Variants in PTPRC observed in about 807,000 individuals in gnomAD.
The protein encoded by PTPRC is receptor-type tyrosine-protein phosphatase C.
Under a neutral mutation model 155.9 loss-of-function variants are expected in PTPRC, and 44 were observed. That is an observed-to-expected ratio of 0.28 (90% CI 0.22 to 0.36). The LOEUF (loss-of-function observed/expected upper bound fraction) is 0.36. PTPRC is among the 10% of genes least tolerant of loss of function. The pLI is 1.00. For missense variants in PTPRC, 1,401 were observed against 1,564.6 expected (o/e 0.90, Z 1.76); for synonymous variants, 525 against 533.1 (o/e 0.98, Z 0.21).
intron 2 of PTPRC, among the ~76,000 whole-genome samples, chr1:198,689,481 A>C (rs1665812185): frequency 6.6e-6 from 1 of 152,182 alleles, no homozygotes; most frequent in Non-Finnish European, 1.5e-5. Flanking sequence ...AACAGAATAT[A>C]GGGGTCTGTG....
At chr1:198,643,913 A>G (rs16843570) in intron 2 of PTPRC, among the ~76,000 whole-genome samples, 5,523 of 152,022 alleles carry the variant, frequency 0.036, 309 homozygotes, top group African/African-American at 0.13. Context: ...TTGCACGACA[A>G]AAGTTTGTAG....
chr1:198,705,514 G>A (rs1652909193), intron 8 of PTPRC, among the ~76,000 whole-genome samples: 1 of 149,586 alleles, frequency 6.7e-6, no homozygotes, highest in Admixed American at 6.7e-5. Context: ...TCTGCCTCCT[G>A]GGTTCAAGTG....
Position 198,696,849 on chromosome 1 carries a change from A to C in PTPRC, c.238A>C (p.Asn80His). The C allele has an allele frequency of 6.2e-7, 1 of 1,614,148 alleles. No individual in the cohort carries two copies. Among genetic ancestry groups the C allele is most frequent in the Non-Finnish European group, 8.5e-7 (1 of 1,179,986 alleles). ...SETTTSLSPD[N>H]TSTQVSPDSL... The stretch of plus-strand genomic sequence containing the variant: ...GACCACAACTTCTCTTAGTCCAGAC[A>C]ATACTTCCACCCAAGTATCCCCGGA... The change falls in exon 4 of 33, where the codon AAT becomes CAT. Residue 80 changes from asparagine (N) to histidine (H), a missense_variant. By Grantham distance (68) the Asn-to-His change is moderately conservative. Around this residue, in one of 3 missense-constraint regions of PTPRC, gnomAD observed 867 missense variants for 970.4 expected, o/e 0.89. Coordinates refer to ENST00000442510, the MANE Select transcript of PTPRC (RefSeq NM_002838.5).
intron 2 of PTPRC, among the ~76,000 whole-genome samples, chr1:198,679,396 ATTTTT>A (rs34684883): frequency 1.5e-4 from 16 of 109,990 alleles, no homozygotes; most frequent in Admixed American, 1.3e-3. Context: ...ACGCCCAGCT[ATTTTT>A]TTTTTTTTTT....
At chr1:198,742,088 C>T (rs1654927380) in intron 24 of PTPRC, 62 bp downstream of exon 24, 1 of 1,604,586 alleles carries the variant, frequency 6.2e-7, no homozygotes, top group African/African-American at 1.3e-5. Context: ...ATCCACCTGC[C>T]TAGGGCTGTT....
At chr1:198,642,826 G>T (rs1662670080) in intron 2 of PTPRC, among the ~76,000 whole-genome samples, 1 of 151,682 alleles carries the variant, frequency 6.6e-6, no homozygotes, top group South Asian at 2.1e-4. Context: ...AATCTTTTTT[G>T]CCAGAGAAAC....
rs186541721 is a variant in PTPRC, at chr1:198,756,975, T to C, written c.*794T>C. 2 of 152,034 alleles carry C rather than the reference T, an allele frequency of 1.3e-5. No individual in the cohort carries two copies. The highest frequency in any genetic ancestry group is 3.9e-4 in the East Asian group (2 of 5,170). 9.4% of individuals were successfully genotyped at this position (152,034 alleles called of 1,614,324 possible). ...TGACAACAAATTAGGTTTTGTACAA[T>C]TGAACTTAAATAAATGTCATTAAAA... is the stretch of plus-strand genomic sequence containing the variant. On this transcript the variant is annotated 3_prime_UTR_variant, in exon 33 of 33. Transcript: ENST00000442510.
In PTPRC at chr1:198,756,176, T is replaced by A. The variant is rs781277251; in HGVS notation, c.3916T>A (p.Ser1306Thr). 6.2e-7 allele frequency: 1 copy of A among 1,613,100 alleles called. No individual in the cohort carries two copies. Among genetic ancestry groups the A allele is most frequent in the Admixed American group, 1.7e-5 (1 of 59,852 alleles). The change falls in exon 33 of 33, where the codon TCA (serine) becomes ACA (threonine). Residue 1306 changes from serine (S) to threonine (T), a missense_variant. This residue lies in a region of PTPRC where 400 missense variants were observed against 389.5 expected (regional missense o/e 1.03). Transcript: ENST00000442510. ...GPASPALNQGS is the reference protein window; with the variant it reads ...GPASPALNQGT ...TGCAAGTCCAGCTTTAAATCAAGGTTCATAGGAAAAGACATAAATGAGGAA... is the reference window on the plus strand; with the variant it reads ...TGCAAGTCCAGCTTTAAATCAAGGTACATAGGAAAAGACATAAATGAGGAA...
intron 2 of PTPRC, among the ~76,000 whole-genome samples, chr1:198,678,057 C>A (rs540231265): frequency 1.3e-5 from 2 of 152,038 alleles, no homozygotes; most frequent in East Asian, 3.9e-4. Flanking sequence ...GCAATACCAT[C>A]TTATGAAATG....
chr1:198,752,560 C>A, intron 30 of PTPRC, 34 bp from the exon 31 acceptor site: 1 of 1,596,446 alleles, frequency 6.3e-7, no homozygotes, highest in Non-Finnish European at 8.6e-7. Context: ...CTGAACTTCA[C>A]TCCAGTTAAT....
At chr1:198,669,749 A>T (rs956386799) in intron 2 of PTPRC, among the ~76,000 whole-genome samples, 1 of 152,110 alleles carries the variant, frequency 6.6e-6, no homozygotes, top group Non-Finnish European at 1.5e-5. Context: ...CAATCAGGAA[A>T]TTTTTTTAAA....
intron 18 of PTPRC, 50 bp from the exon 19 acceptor site, chr1:198,732,250 A>G (rs1654425419): frequency 1.4e-6 from 2 of 1,423,016 alleles, no homozygotes; most frequent in Non-Finnish European, 2.0e-6. Context: ...TAAGGGGGAA[A>G]TTATTTTTCC....
chr1:198,725,773 C>G (rs547789422), intron 15 of PTPRC, among the ~76,000 whole-genome samples: 1 of 152,056 alleles, frequency 6.6e-6, no homozygotes, highest in Non-Finnish European at 1.5e-5. Flanking sequence ...CATGTTCTGA[C>G]CCATGATTCA....
chr1:198,705,513 T>C (rs1571853896), intron 8 of PTPRC, among the ~76,000 whole-genome samples: 2 of 150,728 alleles, frequency 1.3e-5, no homozygotes, highest in East Asian at 2.0e-4. Context: ...CTCTGCCTCC[T>C]GGGTTCAAGT....
Position 198,732,359 on chromosome 1 carries a change from G to T in PTPRC, c.2034G>T (p.Gln678His), listed in dbSNP as rs777914316. 5.6e-6 allele frequency: 9 copies of T among 1,612,434 alleles called. No individual in the cohort carries two copies. Among genetic ancestry groups the T allele is most frequent in the Admixed American group, 1.7e-5 (1 of 59,802 alleles). ...AGGAAGCTCGAAAGCCCTTTAACCAGAATAAAAACCGTTATGTTGACATTC... is the reference window on the plus strand; with the variant it reads ...AGGAAGCTCGAAAGCCCTTTAACCATAATAAAAACCGTTATGTTGACATTC... ...PIKEARKPFNQNKNRYVDILP... is the reference protein window; with the variant it reads ...PIKEARKPFNHNKNRYVDILP... Residue 678 changes from glutamine (Q) to histidine (H), a missense_variant, in exon 19 of 33, where the codon CAG (glutamine) becomes CAT (histidine). Gln to His is a conservative substitution (Grantham distance 24). Around this residue, in one of 3 missense-constraint regions of PTPRC, gnomAD observed 867 missense variants for 970.4 expected, o/e 0.89. Transcript: ENST00000442510.
In PTPRC at chr1:198,665,076, C is replaced by G. The variant is rs796450754; in HGVS notation, c.73+25735C>G. ...GGGGAGTGTTTTTAGAACATCCCGG[C>G]AGCATTTTTTTTTTTTTTTTTTTTT... On this transcript the variant is annotated intron_variant, in intron 2 of 32. Coordinates refer to ENST00000442510, the MANE Select transcript of PTPRC (RefSeq NM_002838.5). Among the ~76,000 whole-genome samples, 1,281 of 131,922 alleles carry G rather than the reference C, an allele frequency of 9.7e-3. 20 individuals carry two copies. The highest frequency in any genetic ancestry group is 0.034 in the African/African-American group (1,226 of 36,114). 86.5% of individuals were successfully genotyped at this position (131,922 alleles called of 152,430 possible). A position where few individuals can be genotyped will look rare whatever the true frequency, so the allele number is the denominator to read the frequency against.
rs371143780 is a variant in PTPRC at position 198,702,514 on chromosome 1, C to G, written c.567C>G (p.Ile189Met). ...ALPARTSNTT[I>M]TANTSDAYLN... ...CTGCACGCACCTCCAACACCACCAT[C>G]ACAGCGAACACCTCAGGTCTGACTA... Residue 189 changes from isoleucine to methionine, a missense_variant, in exon 6 of 33, where the codon ATC becomes ATG. By Grantham distance (10) the Ile-to-Met change is conservative. Coordinates refer to ENST00000442510, the MANE Select transcript of PTPRC (RefSeq NM_002838.5). 1 of 1,614,098 alleles carries G rather than the reference C, an allele frequency of 6.2e-7. No individual in the cohort carries two copies. The highest frequency in any genetic ancestry group is 8.5e-7 in the Non-Finnish European group (1 of 1,180,048).
chr1:198,718,738 GAATT>G (rs1653727626), intron 14 of PTPRC, among the ~76,000 whole-genome samples: 1 of 152,064 alleles, frequency 6.6e-6, no homozygotes, highest in Non-Finnish European at 1.5e-5. Context: ...TGAGCATACA[GAATT>G]TAAAACACTC....
intron 3 of PTPRC, among the ~76,000 whole-genome samples, chr1:198,693,452 T>C (rs757297264): frequency 2.6e-5 from 4 of 152,144 alleles, no homozygotes; most frequent in Non-Finnish European, 5.9e-5. Context: ...CCATACCAGA[T>C]GGTTATTTTT....
Sources: allele counts gnomAD v4.1 joint callset (sites outside exome capture counted in the v4.1 genomes callset), GRCh38; gene constraint gnomAD v4.1.1; regional missense constraint gnomAD v4.1.1; transcripts MANE v1.5; gene names NCBI Gene and HGNC (gene_info 2026-07-23, HGNC 2026-07-21).